GALNT18: variants seen among roughly 807,000 people sequenced by gnomAD.
The protein encoded by GALNT18 is polypeptide N-acetylgalactosaminyltransferase 18, also known as GalNAc-transferase 18.
In GALNT18, 44 loss-of-function variants were observed where a neutral mutation model predicts 69.5. That is an observed-to-expected ratio of 0.63 (90% CI 0.50 to 0.81). The LOEUF (loss-of-function observed/expected upper bound fraction) is 0.81, where lower values mean the gene tolerates loss of function less well. Among genes scored for constraint, GALNT18 ranks in the 40% least tolerant of loss-of-function variants. The probability of loss-of-function intolerance (pLI) is 0.00; values close to 1 mark genes in which losing one functional copy is unlikely to be tolerated. For missense variants in GALNT18, 715 were observed against 810.0 expected (o/e 0.88, Z 1.42); for synonymous variants, 364 against 318.2 (o/e 1.14, Z -1.53).
intron 3 of GALNT18, among the ~76,000 whole-genome samples, chr11:11,386,478 A>C (rs923485281): frequency 1.3e-5 from 2 of 152,108 alleles, no homozygotes; most frequent in African/African-American, 2.4e-5. Flanking sequence ...ATTGCTTCAC[A>C]CTTGCCTGGT....
intron 3 of GALNT18, among the ~76,000 whole-genome samples, chr11:11,388,665 A>G (rs1854109453): frequency 6.6e-6 from 1 of 152,224 alleles, no homozygotes; most frequent in Non-Finnish European, 1.5e-5. Context: ...CGGCTAGTCC[A>G]GGTCAGCCCC....
In GALNT18 at chr11:11,435,288, A is replaced by C. The variant is rs1446116361; in HGVS notation, c.429-2501T>G. On this transcript the variant is annotated intron_variant, in intron 2 of 10. Coordinates refer to ENST00000227756, the MANE Select transcript of GALNT18 (RefSeq NM_198516.3). This position sits in a 1 kb window ranked among gnomAD's most constrained non-coding sequence, Gnocchi z 4.4. The stretch of plus-strand genomic sequence containing the variant: ...CTTCTTACTTCTGAACGTGGTGCCC[A>C]GTCTCCCCCTTCTGAGGAGACCAAT... 1.3e-5 allele frequency among the ~76,000 whole-genome samples: 2 copies of C among 152,156 alleles called. No individual in the cohort carries two copies. Among genetic ancestry groups the C allele is most frequent in the African/African-American group, 4.8e-5 (2 of 41,432 alleles).
chr11:11,560,904 G>A (rs1858489322), intron 1 of GALNT18, among the ~76,000 whole-genome samples: 1 of 152,194 alleles, frequency 6.6e-6, no homozygotes, highest in Non-Finnish European at 1.5e-5. Flanking sequence ...CTGCCACTGG[G>A]GAGTGGCAAA....
intron 1 of GALNT18, among the ~76,000 whole-genome samples, chr11:11,489,480 C>T (rs1433384735): frequency 6.6e-6 from 1 of 152,208 alleles, no homozygotes; most frequent in African/African-American, 2.4e-5. Context: ...CCTGTGCCCA[C>T]CACTGTCCAT....
chr11:11,364,463 G>A (rs977172045), intron 6 of GALNT18, among the ~76,000 whole-genome samples: 9 of 152,104 alleles, frequency 5.9e-5, no homozygotes, highest in Non-Finnish European at 1.3e-4. Flanking sequence ...CCTGTTAAAT[G>A]ACATCAGGGG....
At position 11,327,177 on chromosome 11, in the gene GALNT18, T is replaced by C; in HGVS notation, c.1421A>G (p.Gln474Arg). The C allele has an allele frequency of 3.7e-6, 6 of 1,612,550 alleles. No individual in the cohort carries two copies. The highest frequency in any genetic ancestry group is 5.1e-6 in the Non-Finnish European group (6 of 1,178,498). Residue 474 changes from glutamine (Q) to arginine (R), a missense_variant, in exon 9 of 11, where the codon CAG (glutamine) becomes CGG (arginine). Physicochemically the swap from Gln to Arg is conservative, Grantham distance 43. Coordinates refer to ENST00000227756, the MANE Select transcript of GALNT18 (RefSeq NM_198516.3). ...YSDIIAYGVL[Q>R]NSLKTDLCLD... is the part of the protein sequence containing the mutation. The stretch of plus-strand genomic sequence containing the variant: ...ACACAAATCAGTCTTCAGAGAATTC[T>C]GCAGCTGAACATCAGAGAACAGATG...
intron 1 of GALNT18, among the ~76,000 whole-genome samples, chr11:11,552,616 C>A (rs1858225996): frequency 6.6e-6 from 1 of 152,126 alleles, no homozygotes; most frequent in Non-Finnish European, 1.5e-5. Context: ...TATGAGAAAG[C>A]ATTTCAGGGT....
rs986961149 is a variant in GALNT18, at chr11:11,591,314, G to A, written c.235+30045C>T. Among the ~76,000 whole-genome samples, 5 of 152,108 alleles carry A rather than the reference G, an allele frequency of 3.3e-5. No homozygotes were observed. The highest frequency in any genetic ancestry group is 1.2e-4 in the African/African-American group (5 of 41,408). ...ATGAAGTTTGCACACTGATAATACT[G>A]TGTTAACAATGCATTTCTCAGAACA... On this transcript the variant is annotated intron_variant, in intron 1 of 10. Coordinates refer to ENST00000227756, the MANE Select transcript of GALNT18 (RefSeq NM_198516.3). The surrounding 1 kb of genome is among the most constrained non-coding windows in gnomAD (Gnocchi z 4.8).
chr11:11,373,005 C>T (rs974800824), intron 5 of GALNT18, among the ~76,000 whole-genome samples: 1 of 152,232 alleles, frequency 6.6e-6, no homozygotes, highest in East Asian at 1.9e-4. Context: ...AGCTTTCTTA[C>T]CCTTCCCCAA....
chr11:11,493,329 A>G (rs987135482), intron 1 of GALNT18, among the ~76,000 whole-genome samples: 2 of 148,454 alleles, frequency 1.3e-5, no homozygotes, highest in Admixed American at 6.7e-5. Flanking sequence ...CTTTTCCTCT[A>G]TTGGGTGGAT....
chr11:11,301,248 G>A (rs1849489406), intron 9 of GALNT18, among the ~76,000 whole-genome samples: 1 of 152,188 alleles, frequency 6.6e-6, no homozygotes, highest in Non-Finnish European at 1.5e-5. Context: ...AGGGAGCCTT[G>A]CTTTATTAAA....
At chr11:11,490,170 G>C (rs1856731175) in intron 1 of GALNT18, among the ~76,000 whole-genome samples, 2 of 150,612 alleles carry the variant, frequency 1.3e-5, no homozygotes, top group East Asian at 2.0e-4. Flanking sequence ...TCTTATAAAA[G>C]GGCAAGTTTG....
At position 11,511,990 on chromosome 11, in the gene GALNT18, T is replaced by C. The variant is rs1283159031; in HGVS notation, c.236-63054A>G. 6.6e-6 allele frequency among the ~76,000 whole-genome samples: 1 copy of C among 152,212 alleles called. No homozygotes were observed. Among genetic ancestry groups the C allele is most frequent in the Non-Finnish European group, 1.5e-5 (1 of 68,042 alleles). The stretch of plus-strand genomic sequence containing the variant: ...GTATATGTATGCATACCATCATATG[T>C]ATACACATGTCTACATATATACACA... On this transcript the variant is annotated intron_variant, in intron 1 of 10. Transcript: ENST00000227756. The surrounding 1 kb of genome is among the most constrained non-coding windows in gnomAD (Gnocchi z 4.9).
intron 9 of GALNT18, among the ~76,000 whole-genome samples, chr11:11,294,182 C>T (rs1318721887): frequency 2.0e-5 from 3 of 152,192 alleles, no homozygotes; most frequent in Non-Finnish European, 2.9e-5. Flanking sequence ...CTGGGGAAAC[C>T]AGGTCCAAGT....
Position 11,271,243 on chromosome 11 carries a change from C to A in GALNT18, c.1725G>T (p.Gln575His). The change falls in exon 11 of 11, where the codon CAG becomes CAT. Residue 575 changes from glutamine to histidine, a missense_variant. Coordinates refer to ENST00000227756, the MANE Select transcript of GALNT18 (RefSeq NM_198516.3). ...NRKSKRCLEL[Q>H]ENSDLEFGFQ... ...AGCCGAACTCCAGGTCGCTATTCTC[C>A]TGCAGCTCCAGACAGCGCTTAGACT... is the stretch of plus-strand genomic sequence containing the variant. The A allele has an allele frequency of 6.2e-7, 1 of 1,614,160 alleles. No homozygotes were observed. The highest frequency in any genetic ancestry group is 8.5e-7 in the Non-Finnish European group (1 of 1,180,014).
At chr11:11,585,150 A>G (rs569190755) in intron 1 of GALNT18, among the ~76,000 whole-genome samples, 1 of 152,350 alleles carries the variant, frequency 6.6e-6, no homozygotes, top group Non-Finnish European at 1.5e-5. Flanking sequence ...GATAAAAGAT[A>G]TAAGCAAAGT....
At chr11:11,612,572 A>G (rs554669777) in intron 1 of GALNT18, among the ~76,000 whole-genome samples, 2 of 152,318 alleles carry the variant, frequency 1.3e-5, no homozygotes, top group African/African-American at 4.8e-5. Context: ...TCCCTGAATT[A>G]CCTTCCTGCT....
Position 11,614,365 on chromosome 11 carries a change from G to GGAA in GALNT18, c.235+6993_235+6994insTTC, listed in dbSNP as rs1491324447. On this transcript the variant is annotated intron_variant, in intron 1 of 10. Transcript: ENST00000227756. The surrounding 1 kb of genome is among the most constrained non-coding windows in gnomAD (Gnocchi z 5.6). The stretch of plus-strand genomic sequence containing the variant: ...GAGAGTGAGGAGAAGAAGAAGAAGA[G>GGAA]GAGGAGGAGGAGGAGGAGGAGGAGG... Among the ~76,000 whole-genome samples the GGAA allele has an allele frequency of 0.059, 1,808 of 30,392 alleles. 31 individuals are homozygous for GGAA. Among genetic ancestry groups the GGAA allele is most frequent in the African/African-American group, 0.19 (1,709 of 8,830 alleles). The allele number at this position is 30,392 out of a possible 152,430, so 19.9% of individuals were successfully genotyped here.
chr11:11,277,344 T>C (rs1317643914), intron 10 of GALNT18, among the ~76,000 whole-genome samples: 1 of 152,240 alleles, frequency 6.6e-6, no homozygotes, highest in African/African-American at 2.4e-5. Flanking sequence ...TTCTGTGGGA[T>C]CAGTGGTAAT....
Sources: gnomAD v4.1 joint callset for allele counts (sites outside exome capture counted in the v4.1 genomes callset) on GRCh38, gnomAD v4.1.1 for gene constraint, Gnocchi (gnomAD v3.1) non-coding constraint, MANE v1.5 for transcripts, NCBI Gene and HGNC (gene_info 2026-07-23, HGNC 2026-07-21) for gene names.